The following TF variants were observed in gnomAD, a reference collection of about 807,000 sequenced individuals.
TF encodes the protein serotransferrin.
TF carries 55 observed loss-of-function variants against 82.4 expected under a neutral mutation model. That is an observed-to-expected ratio of 0.67 (90% CI 0.54 to 0.84). The LOEUF (loss-of-function observed/expected upper bound fraction) is 0.84. TF is among the 40% of genes least tolerant of loss of function. The pLI is 0.00. For synonymous variants in TF, 332 were observed against 332.6 expected (o/e 1.00, Z 0.02); for missense variants, 737 against 868.4 (o/e 0.85, Z 1.90).
chr3:133,764,351 T>A, intron 10 of TF, 76 bp downstream of exon 10: 1 of 1,223,970 alleles, frequency 8.2e-7, no homozygotes, highest in Admixed American at 1.7e-5. Flanking sequence ...AATCACAGTC[T>A]GATTCATACC....
chr3:133,765,553 C>G (rs552626625), intron 11 of TF, among the ~76,000 whole-genome samples: 1 of 152,222 alleles, frequency 6.6e-6, no homozygotes, highest in Non-Finnish European at 1.5e-5. Context: ...CATTACTGTA[C>G]AAGTCTGTCC....
the TF span, among the ~76,000 whole-genome samples, chr3:133,727,207 C>T: frequency 4.6e-5 from 7 of 151,690 alleles, no homozygotes; most frequent in African/African-American, 1.7e-4. Flanking sequence ...TCCTGGGTAT[C>T]CTTGTTAACT....
rs1474326582 is a variant in TF, at chr3:133,783,653, A to G, written c.*5033A>G. The G allele has an allele frequency of 6.6e-6, 1 of 152,276 alleles. No homozygotes were observed. The highest frequency in any genetic ancestry group is 1.5e-5 in the Non-Finnish European group (1 of 68,046). 9.4% of individuals were successfully genotyped at this position (152,276 alleles called of 1,614,324 possible). The stretch of plus-strand genomic sequence containing the variant: ...AATAAAATGTGAAGATTTTTAAGAA[A>G]GAACAAAGGGCTAATCTATATTTTG... On this transcript the variant is annotated 3_prime_UTR_variant, in exon 17 of 17. Transcript: ENST00000402696.
the TF span, among the ~76,000 whole-genome samples, chr3:133,717,500 G>T: frequency 2.0e-5 from 3 of 152,176 alleles, no homozygotes; most frequent in Admixed American, 2.0e-4. Flanking sequence ...AGGCTACCTG[G>T]AGGGAAATGT....
chr3:133,756,722 C>A, intron 6 of TF, 109 bp from the exon 7 acceptor site: 1 of 1,401,460 alleles, frequency 7.1e-7, no homozygotes, highest in Non-Finnish European at 1.0e-6. Flanking sequence ...CTTCAGTGCT[C>A]ACTCCAGACC....
Position 133,755,450 on chromosome 3 carries a change from G to A in TF, c.590G>A (p.Gly197Asp). ...PQLCQLCPGC[G>D]CSTLNQYFGY... ...CTGTGTCAACTGTGTCCAGGGTGTGGCTGCTCCACCCTTAACCAATACTTC... is the reference window on the plus strand; with the variant it reads ...CTGTGTCAACTGTGTCCAGGGTGTGACTGCTCCACCCTTAACCAATACTTC... The change falls in exon 5 of 17, where the codon GGC becomes GAC. Residue 197 changes from glycine (G) to aspartate (D), a missense_variant. Physicochemically the swap from Gly to Asp is moderately conservative, Grantham distance 94. Transcript: ENST00000402696. The A allele has an allele frequency of 1.2e-6, 2 of 1,614,132 alleles. No individual in the cohort carries two copies. Among genetic ancestry groups the A allele is most frequent in the Non-Finnish European group, 1.7e-6 (2 of 1,179,970 alleles).
the TF span, among the ~76,000 whole-genome samples, chr3:133,685,796 T>A: frequency 6.6e-6 from 1 of 152,176 alleles, no homozygotes; most frequent in African/African-American, 2.4e-5. Flanking sequence ...ATAGATTCAA[T>A]GCTATCCCCA....
intron 14 of TF, chr3:133,770,828 C>T (rs904501960): frequency 2.5e-5 from 14 of 566,362 alleles, no homozygotes; most frequent in Admixed American, 9.2e-5. Flanking sequence ...CTCCTTTCCC[C>T]TAAATACTTC....
chr3:133,774,981 G>T (rs1481857186), intron 14 of TF: 2 of 349,746 alleles, frequency 5.7e-6, no homozygotes, highest in Non-Finnish European at 1.1e-5. Flanking sequence ...AAGGGAGTCA[G>T]ATTTAAAATT....
At chr3:133,719,511 T>A in the TF span, among the ~76,000 whole-genome samples, 2 of 152,242 alleles carry the variant, frequency 1.3e-5, no homozygotes, top group Middle Eastern at 3.4e-3. Context: ...GGTGTCTCCC[T>A]CCCACTCCTG....
chr3:133,691,400 G>A, the TF span, among the ~76,000 whole-genome samples: 1 of 152,196 alleles, frequency 6.6e-6, no homozygotes, highest in Non-Finnish European at 1.5e-5. Flanking sequence ...GATTGAGTAG[G>A]GAATAGAACA....
the TF span, among the ~76,000 whole-genome samples, chr3:133,711,978 C>G: frequency 6.6e-6 from 1 of 152,102 alleles, no homozygotes. Flanking sequence ...GAGGGCTCTT[C>G]CCCTCCACTC....
At chr3:133,708,863 C>T in the TF span, among the ~76,000 whole-genome samples, 1 of 151,146 alleles carries the variant, frequency 6.6e-6, no homozygotes, top group African/African-American at 2.4e-5. Flanking sequence ...CAGAGTACAT[C>T]ACTGAGGGGT....
upstream of TF, among the ~76,000 whole-genome samples, chr3:133,743,703 A>C (rs560135397): frequency 1.3e-5 from 2 of 152,180 alleles, no homozygotes; most frequent in Non-Finnish European, 2.9e-5. Context: ...TCATTAAGCT[A>C]TTAAAAGGGA....
chr3:133,746,556 G>A, intron 1 of TF, 73 bp downstream of exon 1: 4 of 1,510,336 alleles, frequency 2.6e-6, no homozygotes, highest in Non-Finnish European at 3.6e-6. Context: ...CGGCCACCGC[G>A]CAGCCTGCAT....
At chr3:133,696,434 G>A in the TF span, among the ~76,000 whole-genome samples, 4 of 152,018 alleles carry the variant, frequency 2.6e-5, no homozygotes, top group South Asian at 2.1e-4. Flanking sequence ...CGTGATTTCC[G>A]GCATCCACTG....
the TF span, among the ~76,000 whole-genome samples, chr3:133,680,025 A>T: frequency 2.0e-5 from 3 of 152,028 alleles, no homozygotes. Flanking sequence ...ATCAATCTCT[A>T]TGTGATTTTA....
rs1189554521 is a variant in TF, at chr3:133,792,809, A to G, written c.*14189A>G. ...GAGTTGTGGAAGATTTATAAAAATTAATATTGTAAAAAATTATGTGTGTGA... is the reference window on the plus strand; with the variant it reads ...GAGTTGTGGAAGATTTATAAAAATTGATATTGTAAAAAATTATGTGTGTGA... On this transcript the variant is annotated 3_prime_UTR_variant, in exon 17 of 17. Transcript: ENST00000402696. The G allele has an allele frequency of 6.6e-6, 1 of 152,202 alleles. No individual in the cohort carries two copies. The highest frequency in any genetic ancestry group is 1.5e-5 in the Non-Finnish European group (1 of 68,028). The allele number at this position is 152,202 out of a possible 1,614,324, so 9.4% of individuals were successfully genotyped here.
At chr3:133,765,481 TTACACCAAGG>T (rs1934104489) in intron 11 of TF, among the ~76,000 whole-genome samples, 1 of 152,172 alleles carries the variant, frequency 6.6e-6, no homozygotes, top group South Asian at 2.1e-4. Flanking sequence ...TCAGGAAGTC[TTACACCAAGG>T]TGAGCACTGG....
Sources: allele counts gnomAD v4.1 joint callset (sites outside exome capture counted in the v4.1 genomes callset), GRCh38; gene constraint gnomAD v4.1.1; transcripts MANE v1.5; gene names NCBI Gene and HGNC (gene_info 2026-07-23, HGNC 2026-07-21).